Variants in MGST1 observed in about 807,000 individuals in gnomAD.
The protein encoded by MGST1 is microsomal glutathione S-transferase 1.
Under a neutral mutation model 8.9 loss-of-function variants are expected in MGST1, and 5 were observed. The ratio of observed to expected loss-of-function variants is 0.56; its 90% confidence interval spans 0.29 to 1.19. The LOEUF is 1.19. Ranked by LOEUF, MGST1 falls within the 50% of genes most tolerant of loss-of-function variation. MGST1 has a pLI of 0.08. For missense variants in MGST1, 182 were observed against 187.4 expected (o/e 0.97, Z 0.17); for synonymous variants, 54 against 67.8 (o/e 0.80, Z 1.00).
In MGST1 at chr12:16,404,251, T is replaced by A. The variant is rs544482334; in HGVS notation, n.778+20647T>A. ...TCTATCTTGTATAATATTAATAAAGTGACATTAGCTTCCTTTTAGTTAGAT... is the reference window on the plus strand; with the variant it reads ...TCTATCTTGTATAATATTAATAAAGAGACATTAGCTTCCTTTTAGTTAGAT... On this transcript the variant is annotated intron_variant and non_coding_transcript_variant, in intron 1 of 1. Coordinates refer to the MGST1 transcript ENST00000359720. Among the ~76,000 whole-genome samples, 4 of 152,234 alleles carry A rather than the reference T, an allele frequency of 2.6e-5. No individual in the cohort carries two copies. In the East Asian group the frequency reaches 7.7e-4, roughly 29 times the overall value.
intron 4 of MGST1, among the ~76,000 whole-genome samples, chr12:16,463,846 C>T (rs1277159146): frequency 6.6e-6 from 1 of 152,110 alleles, no homozygotes; most frequent in Non-Finnish European, 1.5e-5. Context: ...TCAATAACTA[C>T]CACAACATAT....
intron 1 of MGST1, among the ~76,000 whole-genome samples, chr12:16,404,096 A>G (rs1940681224): frequency 6.6e-6 from 1 of 152,188 alleles, no homozygotes; most frequent in Non-Finnish European, 1.5e-5. Flanking sequence ...AATTAATTTT[A>G]TGCCATGCAT....
chr12:16,365,868 GC>G (rs1940179239), downstream of MGST1, among the ~76,000 whole-genome samples: 1 of 152,166 alleles, frequency 6.6e-6, no homozygotes, highest in South Asian at 2.1e-4. Flanking sequence ...TGTATGTGGA[GC>G]AATTTGAAAA....
chr12:16,445,425 A>G (rs1941072198), intron 4 of MGST1, among the ~76,000 whole-genome samples: 1 of 151,904 alleles, frequency 6.6e-6, no homozygotes, highest in African/African-American at 2.4e-5. Context: ...CCAGCATGCT[A>G]GCCATCTCTT....
intron 4 of MGST1, among the ~76,000 whole-genome samples, chr12:16,528,150 T>A (rs1319982157): frequency 6.6e-6 from 1 of 151,980 alleles, no homozygotes; most frequent in Non-Finnish European, 1.5e-5. Flanking sequence ...TTCCAAATCG[T>A]TTTGGCTTGT....
downstream of MGST1, among the ~76,000 whole-genome samples, chr12:16,592,163 T>C (rs1943514487): frequency 6.6e-6 from 1 of 152,056 alleles, no homozygotes; most frequent in Admixed American, 6.6e-5. Flanking sequence ...TCATTATTTA[T>C]AAGAACGAAG....
intron 1 of MGST1, among the ~76,000 whole-genome samples, chr12:16,414,068 AAAAAAT>A (rs1454287769): frequency 1.4e-5 from 2 of 140,350 alleles, no homozygotes; most frequent in African/African-American, 5.0e-5. Context: ...TATACAAAAA[AAAAAAT>A]AATAATAATA....
intron 4 of MGST1, among the ~76,000 whole-genome samples, chr12:16,487,596 T>G (rs1247504566): frequency 1.3e-5 from 2 of 152,196 alleles, no homozygotes; most frequent in African/African-American, 4.8e-5. Context: ...CTTAATATGT[T>G]AATACTAGGA....
chr12:16,353,992 T>G (rs1939595340), intron 1 of MGST1, among the ~76,000 whole-genome samples: 1 of 151,966 alleles, frequency 6.6e-6, no homozygotes, highest in African/African-American at 2.4e-5. Context: ...ACTCCCGATC[T>G]CAAGTGATCC....
chr12:16,400,583 A>C, intron 1 of MGST1: 2 of 983,114 alleles, frequency 2.0e-6, no homozygotes, highest in Non-Finnish European at 3.3e-6. Flanking sequence ...TGAAGGTTCA[A>C]GGCTGGTACT....
chr12:16,420,670 C>T (rs1940827311), intron 1 of MGST1, among the ~76,000 whole-genome samples: 1 of 152,072 alleles, frequency 6.6e-6, no homozygotes, highest in South Asian at 2.1e-4. Flanking sequence ...GACCTTTCTT[C>T]CTATTCATCT....
At chr12:16,485,924 C>A (rs1941396571) in intron 4 of MGST1, among the ~76,000 whole-genome samples, 1 of 151,850 alleles carries the variant, frequency 6.6e-6, no homozygotes, top group Admixed American at 6.6e-5. Flanking sequence ...CAAAAATCCC[C>A]TTCTTGTTTA....
At chr12:16,529,995 C>G (rs1941712420) in intron 4 of MGST1, among the ~76,000 whole-genome samples, 1 of 152,082 alleles carries the variant, frequency 6.6e-6, no homozygotes. Context: ...CAAAAACACT[C>G]AAAGCATTCC....
rs1201183656 is a variant in MGST1, at chr12:16,544,670, A to G, written n.483-44858A>G. On this transcript the variant is annotated intron_variant and non_coding_transcript_variant, in intron 4 of 4. Coordinates refer to the MGST1 transcript ENST00000538857. The surrounding 1 kb of genome is among the most constrained non-coding windows in gnomAD (Gnocchi z 4.8). ...ACATAGGTTCAAGTCCTTATTTCTG[A>G]GGGGACAAAAATATCAAAATAATCC... Among the ~76,000 whole-genome samples, 2 of 152,078 alleles carry G rather than the reference A, an allele frequency of 1.3e-5. No individual in the cohort carries two copies. Among genetic ancestry groups the G allele is most frequent in the African/African-American group, 2.4e-5 (1 of 41,442 alleles).
downstream of MGST1, among the ~76,000 whole-genome samples, chr12:16,382,004 T>C (rs528860086): frequency 6.6e-6 from 1 of 152,362 alleles, no homozygotes; most frequent in African/African-American, 2.4e-5. Flanking sequence ...CTTTAAGTAC[T>C]TCTCTGCATT....
At chr12:16,466,736 C>G (rs1941257885) in intron 4 of MGST1, among the ~76,000 whole-genome samples, 1 of 152,138 alleles carries the variant, frequency 6.6e-6, no homozygotes, top group Non-Finnish European at 1.5e-5. Flanking sequence ...AAAAGTAAGG[C>G]AAGGGTTAAA....
chr12:16,452,321 A>G (rs1258689161), intron 4 of MGST1, among the ~76,000 whole-genome samples: 1 of 151,684 alleles, frequency 6.6e-6, no homozygotes, highest in Non-Finnish European at 1.5e-5. Flanking sequence ...AGATTGCCAC[A>G]TCATATACTA....
In MGST1 at chr12:16,397,891, T is replaced by C. The variant is rs536566175; in HGVS notation, n.778+14287T>C. Among the ~76,000 whole-genome samples, 330 of 150,562 alleles carry C rather than the reference T, an allele frequency of 2.2e-3. 10 individuals carry two copies. Among genetic ancestry groups the C allele is most frequent in the Non-Finnish European group, 2.2e-3 (149 of 67,664 alleles). On this transcript the variant is annotated intron_variant and non_coding_transcript_variant, in intron 1 of 1. Coordinates refer to the MGST1 transcript ENST00000359720. ...TAGTGTCAACTAAACTAAATATGTATATATTTAGTTCCAAACATACACACT... is the reference window on the plus strand; with the variant it reads ...TAGTGTCAACTAAACTAAATATGTACATATTTAGTTCCAAACATACACACT...
chr12:16,446,216 A>T (rs1941078531), intron 4 of MGST1, among the ~76,000 whole-genome samples: 1 of 151,962 alleles, frequency 6.6e-6, no homozygotes, highest in Non-Finnish European at 1.5e-5. Context: ...ATATCTGGAT[A>T]TTCTGCTTTG....
Sources: allele counts gnomAD v4.1 joint callset (sites outside exome capture counted in the v4.1 genomes callset), GRCh38; gene constraint gnomAD v4.1.1; non-coding constraint Gnocchi (gnomAD v3.1); transcripts MANE v1.5; gene names NCBI Gene and HGNC (gene_info 2026-07-23, HGNC 2026-07-21).